GRIK1: variants seen among roughly 807,000 people sequenced by gnomAD.
GRIK1 encodes the protein glutamate receptor ionotropic, kainate 1.
In GRIK1, 69 loss-of-function variants were observed where a neutral mutation model predicts 105.7. The ratio of observed to expected loss-of-function variants is 0.65; its 90% confidence interval spans 0.54 to 0.80. The LOEUF (loss-of-function observed/expected upper bound fraction) is 0.80. GRIK1 is among the 30% of genes least tolerant of loss of function. GRIK1 has a pLI of 0.00. For synonymous variants in GRIK1, 438 were observed against 431.3 expected (o/e 1.02, Z -0.19); for missense variants, 1,109 against 1,167.3 (o/e 0.95, Z 0.73).
intron 1 of GRIK1, among the ~76,000 whole-genome samples, chr21:29,722,245 AC>A (rs2064340945): frequency 6.6e-6 from 1 of 152,162 alleles, no homozygotes; most frequent in Non-Finnish European, 1.5e-5. Context: ...ATTTGTGGTC[AC>A]TTTCTTCTAA....
rs1299985312 is a variant in GRIK1 at position 29,662,533 on chromosome 21, TG to T, written c.727-7671del. 2.0e-5 allele frequency among the ~76,000 whole-genome samples: 3 copies of T among 152,352 alleles called. No individual in the cohort carries two copies. The South Asian group carries it at 6.2e-4, about 32-fold the overall frequency. On this transcript the variant is annotated intron_variant, in intron 4 of 17. Coordinates refer to ENST00000327783, the MANE Select transcript of GRIK1 (RefSeq NM_001330994.2). Reference sequence around the variant, plus strand: ...ATTTTGAATTATTATCTACCCCAGATGATTCAGTGTAATCTTTTTGCAACAA... The same window carrying T: ...ATTTTGAATTATTATCTACCCCAGATATTCAGTGTAATCTTTTTGCAACAA...
chr21:29,792,039 A>T (rs1041943280), intron 1 of GRIK1, among the ~76,000 whole-genome samples: 10 of 152,212 alleles, frequency 6.6e-5, no homozygotes, highest in Non-Finnish European at 1.5e-4. Context: ...AGTTTAATGA[A>T]ATACTTACCA....
At chr21:29,924,533 A>G (rs1022018435) in intron 1 of GRIK1, among the ~76,000 whole-genome samples, 1 of 152,056 alleles carries the variant, frequency 6.6e-6, no homozygotes, top group Non-Finnish European at 1.5e-5. Context: ...TACTGAACAC[A>G]TTATTGGTTT....
intron 1 of GRIK1, among the ~76,000 whole-genome samples, chr21:29,741,920 CT>C (rs2064939121): frequency 6.6e-6 from 1 of 152,120 alleles, no homozygotes; most frequent in Non-Finnish European, 1.5e-5. Flanking sequence ...CTTGCCAGGC[CT>C]TTGCTGAGAG....
At chr21:29,629,358 C>T (rs1250265492) in intron 7 of GRIK1, among the ~76,000 whole-genome samples, 1 of 151,838 alleles carries the variant, frequency 6.6e-6, no homozygotes, top group East Asian at 1.9e-4. Flanking sequence ...TGGACAGCAG[C>T]ACAAGTAGAC....
intron 1 of GRIK1, among the ~76,000 whole-genome samples, chr21:29,938,968 A>G (rs1193645635): frequency 6.6e-6 from 1 of 152,096 alleles, no homozygotes; most frequent in African/African-American, 2.4e-5. Flanking sequence ...CAGTGCCCAG[A>G]GCCCAGGTTG....
chr21:29,773,143 C>CT (rs1022499734), intron 1 of GRIK1, among the ~76,000 whole-genome samples: 4 of 152,098 alleles, frequency 2.6e-5, no homozygotes, highest in African/African-American at 9.7e-5. Flanking sequence ...ATGATAATAT[C>CT]TTTTTGTATT....
At chr21:29,694,509 A>T (rs942571194) in intron 1 of GRIK1, among the ~76,000 whole-genome samples, 1 of 152,192 alleles carries the variant, frequency 6.6e-6, no homozygotes, top group African/African-American at 2.4e-5. Flanking sequence ...CCGGGCTAAA[A>T]GTGAAGTTTA....
chr21:29,841,730 C>A (rs1429801736), intron 1 of GRIK1, among the ~76,000 whole-genome samples: 3 of 152,130 alleles, frequency 2.0e-5, no homozygotes, highest in Non-Finnish European at 4.4e-5. Flanking sequence ...AAAGAATGGA[C>A]AAGGTATATA....
chr21:29,749,779 AT>A (rs1284174743), intron 1 of GRIK1, among the ~76,000 whole-genome samples: 1 of 152,228 alleles, frequency 6.6e-6, no homozygotes, highest in African/African-American at 2.4e-5. Flanking sequence ...CAACTATAAA[AT>A]TTATTATCTG....
At chr21:29,790,447 G>GTTTC (rs954612982) in intron 1 of GRIK1, among the ~76,000 whole-genome samples, 4 of 151,710 alleles carry the variant, frequency 2.6e-5, no homozygotes, top group East Asian at 1.9e-4. Context: ...CAGTTTCGTA[G>GTTTC]TTTCTTTCTT....
intron 10 of GRIK1, among the ~76,000 whole-genome samples, chr21:29,590,618 G>A (rs1043733468): frequency 6.6e-6 from 1 of 152,210 alleles, no homozygotes; most frequent in Admixed American, 6.5e-5. Context: ...GCTGAGGCAG[G>A]AGGGAGGAAA....
At chr21:29,939,147 G>A (rs2071879955) in intron 1 of GRIK1, among the ~76,000 whole-genome samples, 1 of 152,138 alleles carries the variant, frequency 6.6e-6, no homozygotes, top group Non-Finnish European at 1.5e-5. Context: ...CGCGTTCCTG[G>A]AGCCCAGATT....
At chr21:29,821,919 A>G (rs464982) in intron 1 of GRIK1, among the ~76,000 whole-genome samples, 45,328 of 151,906 alleles carry the variant, frequency 0.3, 7,562 homozygotes, top group Non-Finnish European at 0.39. Flanking sequence ...ATTCTTCTGT[A>G]AGCTTTTCCA....
At chr21:29,676,064 G>A (rs363549) in intron 3 of GRIK1, among the ~76,000 whole-genome samples, 6,596 of 152,174 alleles carry the variant, frequency 0.043, 206 homozygotes, top group Non-Finnish European at 0.067. Context: ...CCCCAAATAT[G>A]ACCATCAACT....
At position 29,651,260 on chromosome 21, in the gene GRIK1, C is replaced by T. The variant is rs1456756884; in HGVS notation, c.812G>A (p.Arg271Lys). Residue 271 changes from arginine to lysine, a missense_variant, in exon 6 of 18, where the codon AGG (arginine) becomes AAG (lysine). By Grantham distance (26) the Arg-to-Lys change is conservative (BLOSUM62 2). This residue lies in a region of GRIK1 where 612 missense variants were observed against 586.0 expected (regional missense o/e 1.04). Coordinates refer to ENST00000327783, the MANE Select transcript of GRIK1 (RefSeq NM_001330994.2). ...DLFALDLELY[R>K]YSGVNMTGFR... ...CCCGGTCATGTTTACGCCACTGTAC[C>T]TATAGAGTTCCAGATCCAAAGCAAA... 1 of 1,613,194 alleles carries T rather than the reference C, an allele frequency of 6.2e-7. No individual in the cohort carries two copies. Among genetic ancestry groups the T allele is most frequent in the East Asian group, 2.2e-5 (1 of 44,868 alleles).
At chr21:29,587,990 T>TTTTTTTTG (rs1491321446) in intron 11 of GRIK1, among the ~76,000 whole-genome samples, 7 of 131,218 alleles carry the variant, frequency 5.3e-5, no homozygotes, top group African/African-American at 1.6e-4. Context: ...TTTTTTTTTT[T>TTTTTTTTG]GTGAGGCGGA....
At chr21:29,879,093 G>A (rs527250259) in intron 1 of GRIK1, among the ~76,000 whole-genome samples, 18 of 152,250 alleles carry the variant, frequency 1.2e-4, no homozygotes, top group South Asian at 4.1e-4. Context: ...AAACATCCTG[G>A]TCTGAGCAGG....
chr21:29,578,913 A>C (rs1013714864), intron 13 of GRIK1, among the ~76,000 whole-genome samples: 1 of 150,728 alleles, frequency 6.6e-6, no homozygotes, highest in Non-Finnish European at 1.5e-5. Context: ...AATAAATAAC[A>C]ATTAATAGAT....
Sources: allele counts gnomAD v4.1 joint callset (sites outside exome capture counted in the v4.1 genomes callset), GRCh38; gene constraint gnomAD v4.1.1; regional missense constraint gnomAD v4.1.1; transcripts MANE v1.5; gene names NCBI Gene and HGNC (gene_info 2026-07-23, HGNC 2026-07-21).